CTSO: variants seen among roughly 807,000 people sequenced by gnomAD.
CTSO encodes the protein cathepsin O.
A neutral mutation model predicts 42.4 loss-of-function variants in CTSO; 40 were observed. That is an observed-to-expected ratio of 0.94 (90% CI 0.73 to 1.23). CTSO has a LOEUF of 1.23. CTSO is among the 50% of genes most tolerant of loss of function. The pLI, the probability that CTSO is intolerant of heterozygous loss-of-function variation, is 0.00. For missense variants in CTSO, 441 were observed against 396.0 expected, an observed-to-expected ratio of 1.11 and a Z score of -0.96; for synonymous variants, 156 against 146.2, an observed-to-expected ratio of 1.07 and a Z score of -0.48.
chr4:155,945,709 A>G (rs1417899314), intron 1 of CTSO, among the ~76,000 whole-genome samples: 1 of 152,236 alleles, frequency 6.6e-6, no homozygotes, highest in Admixed American at 6.5e-5. Flanking sequence ...AAATAGAACT[A>G]CATACCAGTA....
intron 3 of CTSO, among the ~76,000 whole-genome samples, chr4:155,941,735 G>A (rs1035355783): frequency 5.9e-5 from 9 of 152,182 alleles, no homozygotes; most frequent in South Asian, 2.1e-4. Context: ...GAATGTATGC[G>A]TCACGTTATG....
At chr4:155,952,154 C>G (rs1180303152) in intron 1 of CTSO, among the ~76,000 whole-genome samples, 1 of 152,014 alleles carries the variant, frequency 6.6e-6, no homozygotes. Flanking sequence ...TTTCTTAACC[C>G]GAGGTTTTTA....
chr4:155,953,574 G>T, intron 1 of CTSO, 139 bp downstream of exon 1: 2 of 1,080,812 alleles, frequency 1.9e-6, no homozygotes, highest in Non-Finnish European at 1.2e-6. Context: ...TGCACCCGCA[G>T]CTCAGGGCCC....
intron 5 of CTSO, among the ~76,000 whole-genome samples, chr4:155,931,667 T>C (rs940685536): frequency 5.9e-5 from 9 of 152,112 alleles, no homozygotes; most frequent in Non-Finnish European, 1.2e-4. Context: ...ATAGAACTAC[T>C]ATCAACATGT....
chr4:155,946,142 G>C (rs959469552), intron 1 of CTSO, among the ~76,000 whole-genome samples: 3 of 152,182 alleles, frequency 2.0e-5, no homozygotes, highest in African/African-American at 7.2e-5. Context: ...TAGTTGGAGA[G>C]CTAATGCAAG....
At chr4:155,942,489 A>G in intron 2 of CTSO, 33 bp from the exon 3 acceptor site, 2 of 1,189,674 alleles carry the variant, frequency 1.7e-6, no homozygotes, top group African/African-American at 1.6e-5. Context: ...AATACAACCA[A>G]TATTATATTA....
At chr4:155,928,021 A>C (rs1743161756) in intron 7 of CTSO, among the ~76,000 whole-genome samples, 1 of 152,122 alleles carries the variant, frequency 6.6e-6, no homozygotes, top group African/African-American at 2.4e-5. Flanking sequence ...GAACAAGAAG[A>C]CATTTCTGCA....
intron 4 of CTSO, among the ~76,000 whole-genome samples, chr4:155,937,949 C>A (rs911016696): frequency 6.6e-6 from 1 of 152,092 alleles, no homozygotes; most frequent in African/African-American, 2.4e-5. Flanking sequence ...TAAATTAAAT[C>A]TTTAGGTGCT....
intron 1 of CTSO, among the ~76,000 whole-genome samples, chr4:155,952,056 G>A (rs1290268355): frequency 1.3e-5 from 2 of 152,064 alleles, no homozygotes; most frequent in Non-Finnish European, 2.9e-5. Flanking sequence ...GCAACTGTGC[G>A]TTGAAGCCTC....
At position 155,937,441 on chromosome 4, in the gene CTSO, C is replaced by T. The variant is rs769458051; in HGVS notation, c.595G>A (p.Ala199Thr). The T allele has an allele frequency of 6.2e-7, 1 of 1,613,288 alleles. No homozygotes were observed. Among genetic ancestry groups the T allele is most frequent in the South Asian group, 1.1e-5 (1 of 91,010 alleles). ...LVKDSEYPFK[A>T]QNGLCHYFSG... is the part of the protein sequence containing the mutation. ...AAGTAATGGCACAGACCATTTTGTGCTTTAAAAGGATATTCTGAATCTTTC... is the reference window on the plus strand; with the variant it reads ...AAGTAATGGCACAGACCATTTTGTGTTTTAAAAGGATATTCTGAATCTTTC... The change falls in exon 5 of 8, where the codon GCA (alanine) becomes ACA (threonine). Residue 199 changes from alanine (A) to threonine (T), a missense_variant. Ala to Thr is a moderately conservative substitution (Grantham distance 58, BLOSUM62 0). Coordinates refer to ENST00000433477, the MANE Select transcript of CTSO (RefSeq NM_001334.3).
chr4:155,953,392 AG>A (rs1411588061), intron 1 of CTSO, among the ~76,000 whole-genome samples: 1 of 152,182 alleles, frequency 6.6e-6, no homozygotes, highest in Non-Finnish European at 1.5e-5. Context: ...GATTGCTAAA[AG>A]GGGGTGCTTC....
At chr4:155,939,256 T>C in intron 4 of CTSO, 115 bp downstream of exon 4, 3 of 881,716 alleles carry the variant, frequency 3.4e-6, no homozygotes, top group Non-Finnish European at 5.0e-6. Context: ...ATCATCTACA[T>C]TTCCGAACGT....
intron 5 of CTSO, among the ~76,000 whole-genome samples, chr4:155,936,782 T>A (rs535219888): frequency 6.6e-6 from 1 of 152,348 alleles, no homozygotes; most frequent in South Asian, 2.1e-4. Flanking sequence ...ATGCTTATAG[T>A]GTATGCTACA....
At chr4:155,933,597 C>T (rs140292625) in intron 5 of CTSO, among the ~76,000 whole-genome samples, 14 of 152,226 alleles carry the variant, frequency 9.2e-5, no homozygotes, top group African/African-American at 1.9e-4. Context: ...AGAGACTTGT[C>T]GAATGGCTTT....
chr4:155,939,927 C>T (rs1743399448), intron 3 of CTSO, among the ~76,000 whole-genome samples: 1 of 152,128 alleles, frequency 6.6e-6, no homozygotes, highest in Non-Finnish European at 1.5e-5. Flanking sequence ...CCCCAACCTT[C>T]CATCCCCCTT....
At chr4:155,926,207 A>C (rs181813517) in intron 7 of CTSO, 137 bp from the exon 8 acceptor site, 5 of 604,790 alleles carry the variant, frequency 8.3e-6, no homozygotes, top group Non-Finnish European at 1.4e-5. Flanking sequence ...CAGCTTGTCA[A>C]TGTAAACATG....
At chr4:155,928,709 A>T (rs150564464) in intron 6 of CTSO, among the ~76,000 whole-genome samples, 1 of 152,346 alleles carries the variant, frequency 6.6e-6, no homozygotes, top group East Asian at 1.9e-4. Flanking sequence ...AAGGAATCAG[A>T]AAAAGAAAAA....
chr4:155,939,417 C>T lies in CTSO; in HGVS notation c.506G>A (p.Gly169Asp), dbSNP rs756003102. ...ATTGAGAGTAGAGCCTCCATTGCAG[C>T]CATAATTATTATACGAACAGTCAAT... ...QVIDCSYNNY[G>D]CNGGSTLNAL... The change falls in exon 4 of 8, where the codon GGC becomes GAC. Residue 169 changes from glycine (G) to aspartate (D), a missense_variant. Gly to Asp is a moderately conservative substitution (Grantham distance 94). Transcript: ENST00000433477. The T allele has an allele frequency of 6.2e-7, 1 of 1,614,006 alleles. No individual in the cohort carries two copies. The highest frequency in any genetic ancestry group is 1.1e-5 in the South Asian group (1 of 91,066).
chr4:155,937,411 C>T lies in CTSO; in HGVS notation c.625G>A (p.Gly209Ser), dbSNP rs1743348225. 2 of 1,612,218 alleles carry T rather than the reference C, an allele frequency of 1.2e-6. No individual in the cohort carries two copies. The highest frequency in any genetic ancestry group is 1.7e-6 in the Non-Finnish European group (2 of 1,178,672). The stretch of plus-strand genomic sequence containing the variant: ...TTGATTGAAAATCCAGAATGTGAAC[C>T]AGAAAAGTAATGGCACAGACCATTT... ...AQNGLCHYFS[G>S]SHSGFSIKGY... is the part of the protein sequence containing the mutation. Residue 209 changes from glycine to serine, a missense_variant, in exon 5 of 8, where the codon GGT becomes AGT. Physicochemically the swap from Gly to Ser is moderately conservative, Grantham distance 56. Transcript: ENST00000433477.
Sources: gnomAD v4.1 joint callset for allele counts (sites outside exome capture counted in the v4.1 genomes callset) on GRCh38, gnomAD v4.1.1 for gene constraint, MANE v1.5 for transcripts, NCBI Gene and HGNC (gene_info 2026-07-23, HGNC 2026-07-21) for gene names.